The following GLDC variants were observed in gnomAD, a reference collection of about 807,000 sequenced individuals.
The protein encoded by GLDC is glycine decarboxylase.
GLDC carries 104 observed loss-of-function variants against 121.3 expected under a neutral mutation model. The ratio of observed to expected loss-of-function variants is 0.86; its 90% CI spans 0.73 to 1.01. The LOEUF is 1.01. GLDC is among the 50% of genes least tolerant of loss of function. The pLI is 0.00. For missense variants in GLDC, 1,429 were observed against 1,306.6 expected, an observed-to-expected ratio of 1.09 and a Z score of -1.44; for synonymous variants, 546 against 480.6, an observed-to-expected ratio of 1.14 and a Z score of -1.78.
At chr9:6,629,335 CT>C (rs1334532900) in intron 2 of GLDC, among the ~76,000 whole-genome samples, 4 of 151,722 alleles carry the variant, frequency 2.6e-5, no homozygotes, top group Non-Finnish European at 5.9e-5. Flanking sequence ...CTGCCTCAGC[CT>C]CCCGAGTAGC....
chr9:6,593,230 G>A, intron 9 of GLDC: 1 of 425,062 alleles, frequency 2.4e-6, no homozygotes, highest in Non-Finnish European at 4.3e-6. Context: ...GTATTTTGGT[G>A]TATTATTTCT....
At chr9:6,583,471 T>C (rs1030323864) in intron 15 of GLDC, among the ~76,000 whole-genome samples, 36 of 152,090 alleles carry the variant, frequency 2.4e-4, no homozygotes, top group African/African-American at 8.4e-4. Flanking sequence ...GGTCAGGAGT[T>C]CCAGACCAGC....
chr9:6,624,202 G>C (rs566971040), intron 2 of GLDC, among the ~76,000 whole-genome samples: 5 of 152,224 alleles, frequency 3.3e-5, no homozygotes, highest in African/African-American at 4.8e-5. Flanking sequence ...AGTGTTACAA[G>C]TTGAATTGTG....
chr9:6,558,522 C>A (rs1381017083), intron 17 of GLDC, 37 bp downstream of exon 17: 1 of 1,612,668 alleles, frequency 6.2e-7, no homozygotes, highest in Middle Eastern at 1.7e-4. Flanking sequence ...CACTCCCCAT[C>A]CCGGCCTCTC....
At chr9:6,535,329 A>C (rs748688355) in intron 23 of GLDC, among the ~76,000 whole-genome samples, 28 of 151,500 alleles carry the variant, frequency 1.8e-4, no homozygotes, top group Non-Finnish European at 3.4e-4. Flanking sequence ...AGAAAAGAGT[A>C]ATAAACGGTG....
chr9:6,603,365 C>T (rs1433945005), intron 7 of GLDC, among the ~76,000 whole-genome samples: 3 of 151,884 alleles, frequency 2.0e-5, no homozygotes, highest in Middle Eastern at 3.2e-3. Context: ...CCTGGTAATC[C>T]GAGCATTTTG....
intron 3 of GLDC, among the ~76,000 whole-genome samples, chr9:6,618,543 A>G (rs1358535479): frequency 1.3e-5 from 2 of 152,094 alleles, no homozygotes; most frequent in Non-Finnish European, 2.9e-5. Context: ...CCAGTCTCAG[A>G]TGATCCACCC....
chr9:6,588,412 A>G lies in GLDC; in HGVS notation c.1696T>C (p.Ser566Pro). ...GSCTMKLNSS[S>P]ELAPITWKEF... ...AGTGAGCTACTTACTGCGAGTTCAG[A>G]CGAACTGTTCAGTTTCATGGTGCAG... The change falls in exon 14 of 25, where the codon TCT becomes CCT. Residue 566 changes from serine (S) to proline (P), a missense_variant. Physicochemically the swap from Ser to Pro is moderately conservative, Grantham distance 74. Coordinates refer to ENST00000321612, the MANE Select transcript of GLDC (RefSeq NM_000170.3). 6.2e-7 allele frequency: 1 copy of G among 1,612,138 alleles called. No homozygotes were observed. The highest frequency in any genetic ancestry group is 8.5e-7 in the Non-Finnish European group (1 of 1,178,200).
At chr9:6,631,344 G>C (rs183291754) in intron 2 of GLDC, among the ~76,000 whole-genome samples, 1 of 152,176 alleles carries the variant, frequency 6.6e-6, no homozygotes, top group Non-Finnish European at 1.5e-5. Flanking sequence ...AGTCTCTGCA[G>C]CTCTTCCTGA....
Position 6,533,101 on chromosome 9 carries a change from A to AT in GLDC, c.2978dup (p.Tyr993Ter). 2 of 1,611,712 alleles carry AT rather than the reference A, an allele frequency of 1.2e-6. No homozygotes were observed. Among genetic ancestry groups the AT allele is most frequent in the Non-Finnish European group, 1.7e-6 (2 of 1,177,802 alleles). The change falls in exon 25 of 25, where the codon TAT becomes TAAT. Residue 993 changes from tyrosine to a stop codon, truncating the protein, a stop_gained and frameshift_variant. Transcript: ENST00000321612. LOFTEE classifies it high-confidence loss of function. ...WPTIARIDDIYGDQHLVCTCP... is the reference protein window; with the variant it reads ...WPTIARIDDI ...AGGTACAAACCAGGTGCTGATCTCC[A>AT]TATATGTCATCAATCCGGGCAATCG...
chr9:6,595,601 C>T (rs1222304556), intron 8 of GLDC, among the ~76,000 whole-genome samples: 1 of 152,158 alleles, frequency 6.6e-6, no homozygotes, highest in Non-Finnish European at 1.5e-5. Context: ...TTAAATAAAA[C>T]ACTAGAGGCT....
At chr9:6,620,393 C>A in intron 2 of GLDC, 74 bp from the exon 3 acceptor site, 1 of 1,288,254 alleles carries the variant, frequency 7.8e-7, no homozygotes. Flanking sequence ...TTAAATCCCT[C>A]ATTTTGTTTG....
chr9:6,611,373 T>C (rs62569046), intron 3 of GLDC, among the ~76,000 whole-genome samples: 29,330 of 152,128 alleles, frequency 0.19, 3,100 homozygotes, highest in Non-Finnish European at 0.24. Flanking sequence ...CTGGCTAACA[T>C]GGTGAAACCC....
At chr9:6,588,181 T>C (rs1818307576) in intron 14 of GLDC, among the ~76,000 whole-genome samples, 1 of 152,160 alleles carries the variant, frequency 6.6e-6, no homozygotes, top group South Asian at 2.1e-4. Context: ...TTTAATTAAT[T>C]TTATTAAAAA....
intron 2 of GLDC, among the ~76,000 whole-genome samples, chr9:6,642,024 C>G (rs756230843): frequency 6.6e-6 from 1 of 152,202 alleles, no homozygotes; most frequent in African/African-American, 2.4e-5. Flanking sequence ...CACCATGACA[C>G]GTGCACACCT....
chr9:6,556,835 C>G (rs1274871307), intron 17 of GLDC, among the ~76,000 whole-genome samples: 9 of 151,994 alleles, frequency 5.9e-5, no homozygotes, highest in African/African-American at 1.9e-4. Flanking sequence ...TAATAAGATC[C>G]TTTCAGGCTA....
In GLDC at chr9:6,628,289, C is replaced by T. The variant is rs541329733; in HGVS notation, c.335-7970G>A. ...TGAGAAGGTGATTGTGCCATCCAAACCTTGGAAAGCAAATGGGAAAAGGGA... is the reference window on the plus strand; with the variant it reads ...TGAGAAGGTGATTGTGCCATCCAAATCTTGGAAAGCAAATGGGAAAAGGGA... On this transcript the variant is annotated intron_variant, in intron 2 of 24. Transcript: ENST00000321612. Among the ~76,000 whole-genome samples, 555 of 152,292 alleles carry T rather than the reference C, an allele frequency of 3.6e-3. 2 individuals are homozygous for T. Among genetic ancestry groups the T allele is most frequent in the Non-Finnish European group, 6.4e-3 (432 of 68,018 alleles).
intron 11 of GLDC, among the ~76,000 whole-genome samples, chr9:6,590,231 C>G (rs576462741): frequency 3.9e-5 from 6 of 152,018 alleles, no homozygotes; most frequent in Non-Finnish European, 7.4e-5. Context: ...AGTTAAGAGA[C>G]TGACTACCCA....
chr9:6,571,093 A>C (rs986994131), intron 15 of GLDC, among the ~76,000 whole-genome samples: 2 of 152,060 alleles, frequency 1.3e-5, no homozygotes, highest in African/African-American at 4.8e-5. Flanking sequence ...CCCCAAAATA[A>C]TGATTTTCTT....
Sources: gnomAD v4.1 joint callset for allele counts (sites outside exome capture counted in the v4.1 genomes callset) on GRCh38, gnomAD v4.1.1 for gene constraint, MANE v1.5 for transcripts, NCBI Gene and HGNC (gene_info 2026-07-23, HGNC 2026-07-21) for gene names.